JPH3: variants seen among roughly 807,000 people sequenced by gnomAD.
JPH3 encodes junctophilin 3.
JPH3 carries 11 observed loss-of-function variants against 59.6 expected under a neutral mutation model. That is an observed-to-expected ratio of 0.18 (90% confidence interval 0.12 to 0.31). The LOEUF (loss-of-function observed/expected upper bound fraction) is 0.31, where lower values mean the gene tolerates loss of function less well. JPH3 is among the 10% of genes least tolerant of loss of function. JPH3 has a pLI of 1.00. For synonymous variants in JPH3, 673 were observed against 483.6 expected (o/e 1.39, Z -5.14); for missense variants, 1,202 against 1,105.7 (o/e 1.09, Z -1.24).
Position 87,681,946 on chromosome 16 carries a change from ATCC to A in JPH3, c.1161-2191_1161-2189del, listed in dbSNP as rs377223912. ...CATCTTTAGTTTTGGGGCATCGCAAATCCTCCTGGAATCTGATGAAAGCTGTGG... is the reference window on the plus strand; with the variant it reads ...CATCTTTAGTTTTGGGGCATCGCAAATCCTGGAATCTGATGAAAGCTGTGG... On this transcript the variant is annotated intron_variant, in intron 2 of 4. Coordinates refer to ENST00000284262, the MANE Select transcript of JPH3 (RefSeq NM_020655.4). Among the ~76,000 whole-genome samples, 750 of 152,204 alleles carry A rather than the reference ATCC, an allele frequency of 4.9e-3. 8 individuals carry two copies. Among genetic ancestry groups the A allele is most frequent in the African/African-American group, 0.017 (709 of 41,512 alleles).
intron 2 of JPH3, among the ~76,000 whole-genome samples, chr16:87,675,960 A>T (rs1330940909): frequency 6.6e-6 from 1 of 152,272 alleles, no homozygotes; most frequent in Admixed American, 6.5e-5. Context: ...AACAACAGCA[A>T]GAAGAAAGCA....
intron 4 of JPH3, among the ~76,000 whole-genome samples, chr16:87,692,206 T>TGTCTC (rs139108886): frequency 6.6e-6 from 1 of 151,370 alleles, no homozygotes; most frequent in African/African-American, 2.4e-5. Flanking sequence ...TTTCCCTCCC[T>TGTCTC]GTCTCCCTCC....
chr16:87,656,453 C>T (rs969170098), intron 2 of JPH3, among the ~76,000 whole-genome samples: 1 of 152,200 alleles, frequency 6.6e-6, no homozygotes, highest in Non-Finnish European at 1.5e-5. Flanking sequence ...AGATGAGCCA[C>T]GTTCTGCCCC....
At chr16:87,658,722 G>T (rs1467755518) in intron 2 of JPH3, among the ~76,000 whole-genome samples, 4 of 152,206 alleles carry the variant, frequency 2.6e-5, no homozygotes, top group Non-Finnish European at 4.4e-5. Flanking sequence ...CCTGCAGTGG[G>T]TGGTCAAGAA....
chr16:87,619,506 C>G (rs924837615), intron 1 of JPH3, among the ~76,000 whole-genome samples: 4 of 152,166 alleles, frequency 2.6e-5, no homozygotes, highest in African/African-American at 9.7e-5. Context: ...CTCCAGAGTA[C>G]CAGGCACAGT....
chr16:87,630,991 T>G (rs1191973043), intron 1 of JPH3, among the ~76,000 whole-genome samples: 3 of 152,256 alleles, frequency 2.0e-5, no homozygotes, highest in Non-Finnish European at 4.4e-5. Context: ...TTCTCATGCA[T>G]AACTTGAGTT....
At chr16:87,656,385 T>C (rs1381144712) in intron 2 of JPH3, among the ~76,000 whole-genome samples, 2 of 152,152 alleles carry the variant, frequency 1.3e-5, no homozygotes, top group African/African-American at 4.8e-5. Context: ...GAGTGGCCAG[T>C]CCATGGCATT....
At chr16:87,646,073 G>A (rs889616178) in intron 2 of JPH3, among the ~76,000 whole-genome samples, 5 of 152,206 alleles carry the variant, frequency 3.3e-5, no homozygotes, top group African/African-American at 1.2e-4. Context: ...GGCTGCCCAG[G>A]CAGGAGGCTT....
Position 87,697,889 on chromosome 16 carries a change from G to C in JPH3, c.*1229G>C, listed in dbSNP as rs1379006007. 1 of 152,474 alleles carries C rather than the reference G, an allele frequency of 6.6e-6. No individual in the cohort carries two copies. Among genetic ancestry groups the C allele is most frequent in the African/African-American group, 2.4e-5 (1 of 41,456 alleles). 9.4% of individuals were successfully genotyped at this position (152,474 alleles called of 1,614,324 possible). A position where few individuals can be genotyped will look rare whatever the true frequency, so the allele number is the denominator to read the frequency against. The stretch of plus-strand genomic sequence containing the variant: ...GAACAAGGTTTGCCAGGATGTCCGA[G>C]TGCCCCCTGGCCCTGGCTCTCGTGT... On this transcript the variant is annotated 3_prime_UTR_variant, in exon 5 of 5. Transcript: ENST00000284262.
chr16:87,645,866 C>T (rs932839578), intron 2 of JPH3, among the ~76,000 whole-genome samples: 2 of 152,168 alleles, frequency 1.3e-5, no homozygotes, highest in Admixed American at 6.5e-5. Flanking sequence ...TGGAAAGCCA[C>T]GGGCCCCACA....
At chr16:87,622,815 G>A (rs941037732) in intron 1 of JPH3, among the ~76,000 whole-genome samples, 9 of 152,138 alleles carry the variant, frequency 5.9e-5, no homozygotes. Flanking sequence ...CGTGGGCTGG[G>A]GCTGGGGGGC....
intron 2 of JPH3, among the ~76,000 whole-genome samples, chr16:87,677,952 C>T (rs1258536771): frequency 6.6e-6 from 1 of 152,210 alleles, no homozygotes; most frequent in Non-Finnish European, 1.5e-5. Flanking sequence ...AGGAACTGAA[C>T]ATTAAGACCC....
chr16:87,644,335 G>T lies in JPH3; in HGVS notation c.460G>T (p.Ala154Ser). The change falls in exon 2 of 5, where the codon GCG becomes TCG. Residue 154 changes from alanine to serine, a missense_variant. By Grantham distance (99) the Ala-to-Ser change is moderately conservative (BLOSUM62 1). Coordinates refer to ENST00000284262, the MANE Select transcript of JPH3 (RefSeq NM_020655.4). ...GCAGAGCGTCCCGTATGGCATGGCC[G>T]CGGTCATCCGCTCACCCCTGAGGAC... is the stretch of plus-strand genomic sequence containing the variant. ...VRQSVPYGMA[A>S]VIRSPLRTSI... The T allele has an allele frequency of 5.0e-6, 8 of 1,612,960 alleles. No homozygotes were observed. Among genetic ancestry groups the T allele is most frequent in the Non-Finnish European group, 5.9e-6 (7 of 1,179,942 alleles).
intron 1 of JPH3, among the ~76,000 whole-genome samples, chr16:87,603,823 G>A (rs776662754): frequency 6.6e-6 from 1 of 152,230 alleles, no homozygotes; most frequent in Non-Finnish European, 1.5e-5. Flanking sequence ...GAGACCTGCG[G>A]GAAGGGCCAG....
rs2031919953 is a variant in JPH3, at chr16:87,640,686, C to G, written c.383-3572C>G. Among the ~76,000 whole-genome samples the G allele has an allele frequency of 2.0e-5, 3 of 152,310 alleles. No individual in the cohort carries two copies. In the East Asian group the frequency reaches 5.8e-4, roughly 29 times the overall value. ...GGGATTACAAGCATGAGCCACCCCA[C>G]CCAGCCAACAAACGCTTTTTAAATA... On this transcript the variant is annotated intron_variant, in intron 1 of 4. Coordinates refer to ENST00000284262, the MANE Select transcript of JPH3 (RefSeq NM_020655.4).
chr16:87,623,829 C>T (rs964673777), intron 1 of JPH3, among the ~76,000 whole-genome samples: 1 of 152,242 alleles, frequency 6.6e-6, no homozygotes, highest in Admixed American at 6.5e-5. Flanking sequence ...GGGGTCCTCC[C>T]TGGGGACCAC....
At chr16:87,658,988 GCTGCAGACCTGGGCGGTCA>G (rs1219863676) in intron 2 of JPH3, among the ~76,000 whole-genome samples, 3 of 152,240 alleles carry the variant, frequency 2.0e-5, no homozygotes, top group African/African-American at 7.2e-5. Flanking sequence ...CGGGGTCGCA[GCTGCAGACCTGGGCGGTCA>G]CTTAGTCTGG....
intron 1 of JPH3, among the ~76,000 whole-genome samples, chr16:87,606,801 G>T (rs1200943849): frequency 6.6e-6 from 1 of 152,184 alleles, no homozygotes; most frequent in East Asian, 1.9e-4. Flanking sequence ...ATCTGGACAG[G>T]AGACTGGTGA....
chr16:87,622,309 T>G (rs749698296), intron 1 of JPH3, among the ~76,000 whole-genome samples: 30 of 152,196 alleles, frequency 2.0e-4, no homozygotes, highest in Non-Finnish European at 4.0e-4. Context: ...CCTCCTGGGC[T>G]TGGGTCTGAG....
Sources: allele counts gnomAD v4.1 joint callset (sites outside exome capture counted in the v4.1 genomes callset), GRCh38; gene constraint gnomAD v4.1.1; transcripts MANE v1.5; gene names NCBI Gene and HGNC (gene_info 2026-07-23, HGNC 2026-07-21).